Variants in ITGA2 observed in about 807,000 individuals in gnomAD.
ITGA2 encodes integrin alpha-2.
A neutral mutation model predicts 146.3 loss-of-function variants in ITGA2; 101 were observed. The observed-to-expected ratio is 0.69, with a 90% CI of 0.59 to 0.81. The LOEUF (loss-of-function observed/expected upper bound fraction) is 0.81. Among genes scored for constraint, ITGA2 ranks in the 40% least tolerant of loss-of-function variants. The pLI is 0.00. For missense variants in ITGA2, 1,281 were observed against 1,402.7 expected, an observed-to-expected ratio of 0.91 and a Z score of 1.39; for synonymous variants, 477 against 487.1, an observed-to-expected ratio of 0.98 and a Z score of 0.27.
intron 1 of ITGA2, among the ~76,000 whole-genome samples, chr5:52,993,362 G>A (rs558006364): frequency 7.2e-5 from 11 of 152,152 alleles, no homozygotes; most frequent in Non-Finnish European, 1.6e-4. Context: ...TTTATGGACT[G>A]GGGTTTAGGA....
At chr5:53,012,048 A>G (rs765887424) in intron 1 of ITGA2, among the ~76,000 whole-genome samples, 1 of 152,198 alleles carries the variant, frequency 6.6e-6, no homozygotes, top group Non-Finnish European at 1.5e-5. Context: ...AGGGTTATTT[A>G]TATGTAAAAT....
rs569296913 is a variant in ITGA2, at chr5:53,073,159, C to T, written c.2471C>T (p.Thr824Ile). The T allele has an allele frequency of 4.7e-5, 75 of 1,612,218 alleles. 2 individuals are homozygous for T. In the South Asian group the frequency reaches 7.7e-4, roughly 17 times the overall value. The change falls in exon 20 of 30, where the codon ACA (threonine) becomes ATA (isoleucine). Residue 824 changes from threonine (T) to isoleucine (I), a missense_variant. Around this residue, in one of 3 missense-constraint regions of ITGA2, gnomAD observed 475 missense variants for 530.5 expected, o/e 0.90. Transcript: ENST00000296585. ...FIVSNQNKRL[T>I]FSVTLKNKRE... ...GTCAGCAACCAAAACAAAAGGTTAA[C>T]ATTTTCAGTAACGCTGAAAAATAAA... is the stretch of plus-strand genomic sequence containing the variant.
chr5:53,065,735 A>G (rs1745116333), intron 14 of ITGA2, 106 bp from the exon 15 acceptor site: 1 of 1,406,084 alleles, frequency 7.1e-7, no homozygotes, highest in African/African-American at 1.4e-5. Flanking sequence ...AATAAACACA[A>G]TCTGGGACAT....
intron 2 of ITGA2, among the ~76,000 whole-genome samples, chr5:53,039,375 A>T (rs886318539): frequency 6.6e-6 from 1 of 152,202 alleles, no homozygotes; most frequent in African/African-American, 2.4e-5. Context: ...ATGACACAAT[A>T]ACACAATGGT....
At chr5:53,087,681 C>G (rs909626964) in intron 28 of ITGA2, among the ~76,000 whole-genome samples, 1 of 151,488 alleles carries the variant, frequency 6.6e-6, no homozygotes, top group Non-Finnish European at 1.5e-5. Flanking sequence ...AACAAAGGCT[C>G]TCTGTTCTAA....
chr5:53,019,761 G>A (rs1005057286), intron 1 of ITGA2, among the ~76,000 whole-genome samples: 2 of 152,136 alleles, frequency 1.3e-5, no homozygotes, highest in East Asian at 1.9e-4. Flanking sequence ...CCTTACCTCA[G>A]GTGATCTGTC....
At chr5:53,000,573 T>A (rs1038065660) in intron 1 of ITGA2, among the ~76,000 whole-genome samples, 72 of 152,318 alleles carry the variant, frequency 4.7e-4, no homozygotes, top group African/African-American at 1.3e-3. Flanking sequence ...CCTATATTAC[T>A]GTTTACTAAT....
At chr5:53,044,799 T>C (rs1237755886) in intron 3 of ITGA2, among the ~76,000 whole-genome samples, 1 of 152,220 alleles carries the variant, frequency 6.6e-6, no homozygotes, top group Admixed American at 6.5e-5. Flanking sequence ...TCTTATGCTC[T>C]GCAGCCTCAC....
intron 7 of ITGA2, 25 bp from the exon 8 acceptor site, chr5:53,055,513 C>T (rs558953467): frequency 1.2e-6 from 2 of 1,610,362 alleles, no homozygotes; most frequent in Non-Finnish European, 1.7e-6. Flanking sequence ...GATAGCAAGT[C>T]TTTATTTAAT....
chr5:53,087,110 G>A (rs2112042303), intron 28 of ITGA2, 69 bp downstream of exon 28: 1 of 1,042,744 alleles, frequency 9.6e-7, no homozygotes, highest in African/African-American at 1.6e-5. Flanking sequence ...AAAAGCCTGG[G>A]ATAGTCACTC....
chr5:53,033,410 C>T (rs1438620683), intron 2 of ITGA2, among the ~76,000 whole-genome samples: 1 of 152,070 alleles, frequency 6.6e-6, no homozygotes, highest in Non-Finnish European at 1.5e-5. Context: ...CTATTCCAAT[C>T]CTCTTTCCAA....
At chr5:53,012,210 C>G (rs1441001352) in intron 1 of ITGA2, among the ~76,000 whole-genome samples, 2 of 152,066 alleles carry the variant, frequency 1.3e-5, no homozygotes, top group Non-Finnish European at 2.9e-5. Context: ...CTACTGTACA[C>G]TCTTGCTGAG....
At chr5:53,007,712 T>A (rs1372571453) in intron 1 of ITGA2, among the ~76,000 whole-genome samples, 1 of 152,048 alleles carries the variant, frequency 6.6e-6, no homozygotes, top group African/African-American at 2.4e-5. Flanking sequence ...AGCAATCTTA[T>A]GAAAAAGAGA....
chr5:53,000,215 C>T (rs957166480), intron 1 of ITGA2, among the ~76,000 whole-genome samples: 4 of 152,104 alleles, frequency 2.6e-5, no homozygotes, highest in African/African-American at 9.7e-5. Flanking sequence ...GTATTTTTAT[C>T]ACACAGTTCT....
Position 53,076,321 on chromosome 5 carries a change from C to G in ITGA2, c.2825+1017C>G, listed in dbSNP as rs192461327. ...ACCACATCACTCCAGCCCCTAAGAG[C>G]ATGGAATCTGTAGATCATCCAATAG... is the stretch of plus-strand genomic sequence containing the variant. On this transcript the variant is annotated intron_variant, in intron 23 of 29. Transcript: ENST00000296585. 1.2e-3 allele frequency among the ~76,000 whole-genome samples: 182 copies of G among 152,128 alleles called. 1 individual carries two copies. The South Asian group carries it at 0.027, about 23-fold the overall frequency.
In ITGA2 at chr5:53,065,834, C is replaced by G. The variant is rs992805158; in HGVS notation, c.1807-7C>G. 1 of 1,611,694 alleles carries G rather than the reference C, an allele frequency of 6.2e-7. No individual in the cohort carries two copies. The highest frequency in any genetic ancestry group is 1.3e-5 in the African/African-American group (1 of 74,882). On this transcript the variant is annotated splice_region_variant and splice_polypyrimidine_tract_variant and intron_variant, in intron 14 of 29. Coordinates refer to ENST00000296585, the MANE Select transcript of ITGA2 (RefSeq NM_002203.4). Reference sequence around the variant, plus strand: ...ACTATAATTTCGTGTCAAACCTGCTCTTTTAGAAAATCTTGGGATCCGATG... The same window carrying G: ...ACTATAATTTCGTGTCAAACCTGCTGTTTTAGAAAATCTTGGGATCCGATG...
rs757037266 is a variant in ITGA2 at position 53,064,874 on chromosome 5, G to A, written c.1603-38G>A. ...TGAATTTTAATTATACAAGTTGTAA[G>A]GTTTGCTTTAATCATCCTTTTGTTT... On this transcript the variant is annotated intron_variant, in intron 13 of 29. Transcript: ENST00000296585. 5.1e-6 allele frequency: 8 copies of A among 1,582,152 alleles called. No individual in the cohort carries two copies. In the East Asian group the frequency reaches 1.6e-4, roughly 31 times the overall value.
chr5:53,075,007 T>C lies in ITGA2; in HGVS notation c.2665-54T>C, dbSNP rs567236837. ...TATGAGAAACATTTTTTTTTTCACG[T>C]TGGCCTCTGAGTATGAAGCATCATA... is the stretch of plus-strand genomic sequence containing the variant. On this transcript the variant is annotated intron_variant, in intron 21 of 29. Coordinates refer to ENST00000296585, the MANE Select transcript of ITGA2 (RefSeq NM_002203.4). The C allele has an allele frequency of 8.6e-6, 10 of 1,161,694 alleles. No individual in the cohort carries two copies. In the African/African-American group the frequency reaches 9.1e-5, roughly 11 times the overall value. The allele number at this position is 1,161,694 out of a possible 1,614,324, so 72.0% of individuals were successfully genotyped here.
intron 2 of ITGA2, 130 bp from the exon 3 acceptor site, chr5:53,041,982 A>C: frequency 1.4e-6 from 1 of 697,056 alleles, no homozygotes. Context: ...GCAGCAGGTC[A>C]AATCATAGCT....
Sources: gnomAD v4.1 joint callset for allele counts (sites outside exome capture counted in the v4.1 genomes callset) on GRCh38, gnomAD v4.1.1 for gene constraint, gnomAD v4.1.1 regional missense constraint, MANE v1.5 for transcripts, NCBI Gene and HGNC (gene_info 2026-07-23, HGNC 2026-07-21) for gene names.